NSMAF: variants seen among roughly 807,000 people sequenced by gnomAD.
The protein encoded by NSMAF is neutral sphingomyelinase activation associated factor, also known as protein FAN.
Under a neutral mutation model 134.9 loss-of-function variants are expected in NSMAF, and 90 were observed. That is an observed-to-expected ratio of 0.67 (90% CI 0.56 to 0.79). The LOEUF is 0.79. Among genes scored for constraint, NSMAF ranks in the 30% least tolerant of loss-of-function variants. The probability of loss-of-function intolerance (pLI) is 0.00; values close to 1 mark genes in which losing one functional copy is unlikely to be tolerated. For synonymous variants in NSMAF, 358 were observed against 389.6 expected, an observed-to-expected ratio of 0.92 and a Z score of 0.96; for missense variants, 1,010 against 1,119.0, an observed-to-expected ratio of 0.90 and a Z score of 1.39.
Position 58,584,224 on chromosome 8 carries a change from G to C in NSMAF, c.2660-24C>G, listed in dbSNP as rs376054599. On this transcript the variant is annotated intron_variant, in intron 30 of 30. Coordinates refer to ENST00000038176, the MANE Select transcript of NSMAF (RefSeq NM_003580.4). ...ACCTGAGAGAAAGACATTTTGGTTA[G>C]TTAGGAAGTTGACCAGGAGGCACCC... The C allele has an allele frequency of 1.3e-5, 20 of 1,583,896 alleles. No homozygotes were observed. In the African/African-American group the frequency reaches 2.2e-4, roughly 17 times the overall value.
At chr8:58,658,038 G>A (rs1163791629) in intron 1 of NSMAF, among the ~76,000 whole-genome samples, 1 of 152,116 alleles carries the variant, frequency 6.6e-6, no homozygotes, top group African/African-American at 2.4e-5. Context: ...AGGAAAAAAC[G>A]TTTCCCTGTA....
At chr8:58,621,110 C>G (rs554653219) in intron 9 of NSMAF, among the ~76,000 whole-genome samples, 3 of 152,238 alleles carry the variant, frequency 2.0e-5, no homozygotes, top group East Asian at 3.9e-4. Flanking sequence ...CATCCTCCAC[C>G]CTCAAGCAGG....
At chr8:58,644,797 G>A (rs1452396144) in intron 1 of NSMAF, among the ~76,000 whole-genome samples, 2 of 152,182 alleles carry the variant, frequency 1.3e-5, no homozygotes, top group African/African-American at 4.8e-5. Flanking sequence ...AAAAAAGGAT[G>A]AATTCATGTC....
Position 58,658,731 on chromosome 8 carries a change from G to A in NSMAF, c.59+842C>T, listed in dbSNP as rs866777808. On this transcript the variant is annotated intron_variant, in intron 1 of 30. Transcript: ENST00000038176. ...TTGTTTCTGTCACCAAAAATGCCCT[G>A]GGAACTATACATAGAGCCGAAGTGA... Among the ~76,000 whole-genome samples the A allele has an allele frequency of 2.0e-5, 3 of 152,160 alleles. 1 individual carries two copies. In the South Asian group the frequency reaches 6.2e-4, roughly 32 times the overall value.
At chr8:58,608,656 T>C (rs1161359592) in intron 10 of NSMAF, among the ~76,000 whole-genome samples, 1 of 152,172 alleles carries the variant, frequency 6.6e-6, no homozygotes, top group African/African-American at 2.4e-5. Flanking sequence ...ACCCAAGCAA[T>C]AGTAGCAGCC....
rs1805889617 is a variant in NSMAF at position 58,586,538 on chromosome 8, A to G, written c.2366T>C (p.Ile789Thr). 3 of 1,614,038 alleles carry G rather than the reference A, an allele frequency of 1.9e-6. No homozygotes were observed. Among genetic ancestry groups the G allele is most frequent in the Non-Finnish European group, 1.7e-6 (2 of 1,179,952 alleles). ...TAAGGTGGCCGTTGTGAGGTCCCAA[A>G]TATTCACTGTGCCTTCTTTGGTGCC... The part of the protein sequence containing the change: ...VSGTKEGTVN[I>T]WDLTTATLMH... Residue 789 changes from isoleucine (I) to threonine (T), a missense_variant, in exon 28 of 31, where the codon ATT (isoleucine) becomes ACT (threonine). Ile to Thr is a moderately conservative substitution (Grantham distance 89). Coordinates refer to ENST00000038176, the MANE Select transcript of NSMAF (RefSeq NM_003580.4).
chr8:58,590,777 T>C, intron 24 of NSMAF, 90 bp downstream of exon 24: 1 of 1,286,112 alleles, frequency 7.8e-7, no homozygotes, highest in Non-Finnish European at 1.1e-6. Context: ...AACTCAATTG[T>C]TTTGGGAGAA....
chr8:58,646,341 T>C (rs1417284150), intron 1 of NSMAF, among the ~76,000 whole-genome samples: 1 of 152,204 alleles, frequency 6.6e-6, no homozygotes, highest in Non-Finnish European at 1.5e-5. Flanking sequence ...GAGGGAAGAA[T>C]AGAGTAAGTA....
chr8:58,655,839 G>A (rs1285716875), intron 1 of NSMAF, among the ~76,000 whole-genome samples: 9 of 151,540 alleles, frequency 5.9e-5, no homozygotes, highest in African/African-American at 9.7e-5. Context: ...CCCGGGAGGC[G>A]GAACTTGCAG....
chr8:58,619,422 C>T (rs1314051484), intron 9 of NSMAF, among the ~76,000 whole-genome samples: 1 of 152,120 alleles, frequency 6.6e-6, no homozygotes, highest in Non-Finnish European at 1.5e-5. Context: ...ATAAATGAAC[C>T]TATTTAACCA....
intron 9 of NSMAF, among the ~76,000 whole-genome samples, chr8:58,612,625 T>C (rs1239897415): frequency 6.6e-6 from 1 of 152,206 alleles, no homozygotes; most frequent in Non-Finnish European, 1.5e-5. Context: ...GGATTTGTGA[T>C]TGGCATCGGA....
chr8:58,596,593 A>T (rs879353651), intron 21 of NSMAF, among the ~76,000 whole-genome samples: 1 of 152,214 alleles, frequency 6.6e-6, no homozygotes, highest in Admixed American at 6.5e-5. Context: ...TCAAATGTTA[A>T]ATAAGTGAAA....
At chr8:58,612,560 G>A (rs1806553417) in intron 9 of NSMAF, among the ~76,000 whole-genome samples, 1 of 152,166 alleles carries the variant, frequency 6.6e-6, no homozygotes. Flanking sequence ...CCTAAGGAAT[G>A]TGTTGTGGGA....
chr8:58,611,675 G>A (rs1362114518), intron 9 of NSMAF, among the ~76,000 whole-genome samples: 1 of 152,128 alleles, frequency 6.6e-6, no homozygotes, highest in Non-Finnish European at 1.5e-5. Context: ...TGGATGCAGT[G>A]GAGGAAAGGT....
chr8:58,603,124 A>C, intron 13 of NSMAF, 86 bp downstream of exon 13: 1 of 1,311,282 alleles, frequency 7.6e-7, no homozygotes, highest in South Asian at 1.3e-5. Context: ...TCACAATTAT[A>C]AAATAGAATT....
chr8:58,604,533 A>G (rs1585736048), intron 12 of NSMAF, among the ~76,000 whole-genome samples: 1 of 139,326 alleles, frequency 7.2e-6, no homozygotes, highest in African/African-American at 2.6e-5. Context: ...TATATAAACT[A>G]TATATAACTA....
intron 19 of NSMAF, 37 bp downstream of exon 19, chr8:58,599,195 C>A: frequency 1.9e-6 from 3 of 1,576,818 alleles, no homozygotes; most frequent in Non-Finnish European, 2.6e-6. Context: ...TAAATATTCA[C>A]CCAATGCTAA....
intron 6 of NSMAF, among the ~76,000 whole-genome samples, chr8:58,624,477 A>G (rs1257761222): frequency 6.6e-6 from 1 of 151,604 alleles, no homozygotes; most frequent in Non-Finnish European, 1.5e-5. Context: ...ATTTATCTCA[A>G]GATTTTAAAT....
In NSMAF at chr8:58,606,772, T is replaced by G. The variant is rs945108733; in HGVS notation, c.760-737A>C. Among the ~76,000 whole-genome samples the G allele has an allele frequency of 3.3e-5, 5 of 152,328 alleles. No individual in the cohort carries two copies. The South Asian group carries it at 1.0e-3, about 32-fold the overall frequency. ...TCAAATACAGGCTTTCACCATGTAC[T>G]AGCTGGGAGCTTAGGAAGTTAACCC... is the stretch of plus-strand genomic sequence containing the variant. On this transcript the variant is annotated intron_variant, in intron 11 of 30. Transcript: ENST00000038176.
Sources: allele counts gnomAD v4.1 joint callset (sites outside exome capture counted in the v4.1 genomes callset), GRCh38; gene constraint gnomAD v4.1.1; transcripts MANE v1.5; gene names NCBI Gene and HGNC (gene_info 2026-07-23, HGNC 2026-07-21).